The following CMTR1 variants were observed in gnomAD, a reference collection of about 807,000 sequenced individuals.
The protein encoded by CMTR1 is cap-specific mRNA (nucleoside-2'-O-)-methyltransferase 1.
Under a neutral mutation model 107.0 loss-of-function variants are expected in CMTR1, and 39 were observed. That is an observed-to-expected ratio of 0.36 (90% CI 0.28 to 0.48). The LOEUF is 0.48. Among genes scored for constraint, CMTR1 ranks in the 20% least tolerant of loss-of-function variants. The probability of loss-of-function intolerance (pLI) is 0.99; values close to 1 mark genes in which losing one functional copy is unlikely to be tolerated. For synonymous variants in CMTR1, 366 were observed against 379.5 expected, an observed-to-expected ratio of 0.96 and a Z score of 0.41; for missense variants, 672 against 1,064.9, an observed-to-expected ratio of 0.63 and a Z score of 5.14.
chr6:37,476,274 C>T (rs941201399), intron 20 of CMTR1, 80 bp downstream of exon 20: 9 of 1,421,634 alleles, frequency 6.3e-6, no homozygotes, highest in Non-Finnish European at 8.9e-6. Context: ...CAGGAGGGCT[C>T]AGTGGAGGGC....
At chr6:37,445,484 C>CTTTTTTT (rs370310831) in intron 3 of CMTR1, among the ~76,000 whole-genome samples, 4 of 109,186 alleles carry the variant, frequency 3.7e-5, no homozygotes, top group African/African-American at 1.3e-4. Flanking sequence ...CATACCTCAC[C>CTTTTTTT]TTTTTTTTTT....
At chr6:37,426,707 T>C in the CMTR1 span, among the ~76,000 whole-genome samples, 1 of 152,164 alleles carries the variant, frequency 6.6e-6, no homozygotes, top group Non-Finnish European at 1.5e-5. Flanking sequence ...CCAATTTTCC[T>C]CAGATCTTTT....
the CMTR1 span, among the ~76,000 whole-genome samples, chr6:37,428,078 C>T: frequency 8.8e-5 from 13 of 147,350 alleles, no homozygotes; most frequent in South Asian, 1.5e-3. Flanking sequence ...CTAAAAAAGA[C>T]GCTGTGTTTA....
At chr6:37,453,177 C>T (rs1213301486) in intron 7 of CMTR1, 36 bp downstream of exon 7, 2 of 1,612,426 alleles carry the variant, frequency 1.2e-6, no homozygotes, top group African/African-American at 1.3e-5. Context: ...CCTGATGCTC[C>T]CTGCTCTACC....
rs536975818 is a variant in CMTR1, at chr6:37,472,762, C to G, written c.1689+275C>G. 6.6e-6 allele frequency among the ~76,000 whole-genome samples: 1 copy of G among 152,246 alleles called. No homozygotes were observed. Among genetic ancestry groups the G allele is most frequent in the Admixed American group, 6.5e-5 (1 of 15,290 alleles). The stretch of plus-strand genomic sequence containing the variant: ...AAAGGGTGGTTCTGGCTGTGTCACC[C>G]TGGCAAGTTCAGGGTCCTGTGGGAT... On this transcript the variant is annotated intron_variant, in intron 16 of 23. Transcript: ENST00000373451. This position sits in a 1 kb window ranked among gnomAD's most constrained non-coding sequence, Gnocchi z 4.1.
intron 12 of CMTR1, 82 bp downstream of exon 12, chr6:37,462,184 C>T (rs1761414726): frequency 1.3e-6 from 2 of 1,494,610 alleles, no homozygotes; most frequent in East Asian, 4.5e-5. Flanking sequence ...TCTGGCATGA[C>T]CTCTTAAGCT....
At chr6:37,448,838 A>T (rs1022248624) in intron 4 of CMTR1, among the ~76,000 whole-genome samples, 1 of 152,242 alleles carries the variant, frequency 6.6e-6, no homozygotes, top group Non-Finnish European at 1.5e-5. Flanking sequence ...CTGCCTGCAC[A>T]GTAGAATCAT....
chr6:37,434,307 GT>G (rs1771473092), intron 1 of CMTR1, among the ~76,000 whole-genome samples: 1 of 152,066 alleles, frequency 6.6e-6, no homozygotes, highest in Non-Finnish European at 1.5e-5. Flanking sequence ...GTGATCCAGG[GT>G]TTTACGAGGT....
At position 37,451,865 on chromosome 6, in the gene CMTR1, G is replaced by A. The variant is rs1435783060; in HGVS notation, c.597G>A (p.Val199=). 2 of 1,612,830 alleles carry A rather than the reference G, an allele frequency of 1.2e-6. No homozygotes were observed. Among genetic ancestry groups the A allele is most frequent in the Admixed American group, 1.7e-5 (1 of 60,026 alleles). The change falls in exon 6 of 24, where the codon GTG becomes GTA. Residue 199 remains valine (V), a synonymous_variant. Coordinates refer to ENST00000373451, the MANE Select transcript of CMTR1 (RefSeq NM_015050.3). The part of the protein sequence containing the change: ...EFCGEELLHS[V]LQCKSVFDVL... ...GTGGGGAAGAGCTGCTTCACAGTGT[G>A]TTGCAGTGTAAGGTAAGGTCTTGTG...
At chr6:37,444,418 C>G (rs1278450807) in intron 3 of CMTR1, among the ~76,000 whole-genome samples, 1 of 152,146 alleles carries the variant, frequency 6.6e-6, no homozygotes, top group Non-Finnish European at 1.5e-5. Flanking sequence ...ATTCTTATTA[C>G]TAACATGTGT....
the CMTR1 span, among the ~76,000 whole-genome samples, chr6:37,425,311 C>G: frequency 0.11 from 8,138 of 76,676 alleles, 743 homozygotes; most frequent in African/African-American, 0.34. Flanking sequence ...TTTTTTTTTT[C>G]CCCGAGACAA....
intron 18 of CMTR1, 70 bp from the exon 19 acceptor site, chr6:37,475,250 GC>G: frequency 8.3e-7 from 1 of 1,207,392 alleles, no homozygotes; most frequent in Non-Finnish European, 1.2e-6. Flanking sequence ...GAGCCAGCAT[GC>G]CATGGTGGGT....
intron 8 of CMTR1, among the ~76,000 whole-genome samples, chr6:37,457,465 C>T (rs1284335658): frequency 6.6e-6 from 1 of 151,958 alleles, no homozygotes; most frequent in Non-Finnish European, 1.5e-5. Flanking sequence ...AAAGGGAGTG[C>T]AAAAAGGAGA....
chr6:37,466,576 G>A (rs199801692), intron 13 of CMTR1, among the ~76,000 whole-genome samples: 19 of 152,156 alleles, frequency 1.2e-4, no homozygotes, highest in East Asian at 9.7e-4. Flanking sequence ...CCCTTTCCCC[G>A]TTGATTGGTC....
At chr6:37,453,389 T>G in intron 8 of CMTR1, 77 bp downstream of exon 8, 1 of 1,312,756 alleles carries the variant, frequency 7.6e-7, no homozygotes, top group Non-Finnish European at 1.1e-6. Flanking sequence ...TTGCCATTTG[T>G]TCAATGCTAG....
At chr6:37,468,298 CT>C (rs1190306191) in intron 13 of CMTR1, among the ~76,000 whole-genome samples, 1 of 151,612 alleles carries the variant, frequency 6.6e-6, no homozygotes, top group Admixed American at 6.6e-5. Flanking sequence ...TGCTATTGTT[CT>C]TTTGTCTTTG....
At chr6:37,440,473 G>T (rs1312287012) in intron 2 of CMTR1, among the ~76,000 whole-genome samples, 1 of 152,148 alleles carries the variant, frequency 6.6e-6, no homozygotes, top group Non-Finnish European at 1.5e-5. Context: ...GTCAAGCTAA[G>T]AAGTGGTCTC....
In CMTR1 at chr6:37,458,779, T is replaced by C. The variant is rs1461377347; in HGVS notation, c.945T>C (p.Ser315=). 1.2e-6 allele frequency: 2 copies of C among 1,614,178 alleles called. No individual in the cohort carries two copies. Among genetic ancestry groups the C allele is most frequent in the Non-Finnish European group, 1.7e-6 (2 of 1,180,034 alleles). ...PNDFKLEDFY[S]ASSELFEPYY... ...ACTTCAAGCTGGAGGACTTCTACTC[T>C]GCTTCCAGTGAACTCTTCGAACCCT... Residue 315 remains serine, a synonymous_variant, in exon 9 of 24, where the codon TCT becomes TCC. Transcript: ENST00000373451. The surrounding 1 kb of genome is among the most constrained non-coding windows in gnomAD (Gnocchi z 4.7).
At chr6:37,471,599 C>T (rs1761628425) in intron 14 of CMTR1, among the ~76,000 whole-genome samples, 1 of 152,160 alleles carries the variant, frequency 6.6e-6, no homozygotes, top group Non-Finnish European at 1.5e-5. Flanking sequence ...GTCTGGAGGG[C>T]ACTTTCTCCT....
Sources: gnomAD v4.1 joint callset for allele counts (sites outside exome capture counted in the v4.1 genomes callset) on GRCh38, gnomAD v4.1.1 for gene constraint, Gnocchi (gnomAD v3.1) non-coding constraint, MANE v1.5 for transcripts, NCBI Gene and HGNC (gene_info 2026-07-23, HGNC 2026-07-21) for gene names.